The following SNCAIP variants were observed in gnomAD, a reference collection of about 807,000 sequenced individuals.
SNCAIP encodes the protein synuclein alpha interacting protein.
SNCAIP carries 43 observed loss-of-function variants against 86.7 expected under a neutral mutation model. That is an observed-to-expected ratio of 0.50 (90% CI 0.39 to 0.64). The LOEUF is 0.64. Ranked by LOEUF, SNCAIP falls within the 30% of genes least tolerant of loss-of-function variation. SNCAIP has a pLI of 0.00. For synonymous variants in SNCAIP, 417 were observed against 427.2 expected (o/e 0.98, Z 0.29); for missense variants, 981 against 1,103.1 (o/e 0.89, Z 1.57).
At chr5:122,456,761 A>T (rs1475433546) in intron 10 of SNCAIP, among the ~76,000 whole-genome samples, 1 of 152,184 alleles carries the variant, frequency 6.6e-6, no homozygotes, top group Non-Finnish European at 1.5e-5. Context: ...TTTAACTCAT[A>T]TGCTTGATTC....
Position 122,463,749 on chromosome 5 carries a change from T to G in SNCAIP, c.*253T>G. On this transcript the variant is annotated 3_prime_UTR_variant, in exon 11 of 11. Coordinates refer to ENST00000261368, the MANE Select transcript of SNCAIP (RefSeq NM_005460.4). ...GTAAAAGATTCATTTTGGGGTGATA[T>G]CTGTATATATAACTTGTTTTTTTAA... 1 of 468,748 alleles carries G rather than the reference T, an allele frequency of 2.1e-6. No individual in the cohort carries two copies. Among genetic ancestry groups the G allele is most frequent in the Non-Finnish European group, 3.8e-6 (1 of 265,790 alleles). 29.0% of individuals were successfully genotyped at this position (468,748 alleles called of 1,614,324 possible). A position where few individuals can be genotyped will look rare whatever the true frequency, so the allele number is the denominator to read the frequency against.
intron 1 of SNCAIP, among the ~76,000 whole-genome samples, chr5:122,325,202 G>C (rs1177096888): frequency 1.3e-5 from 2 of 152,144 alleles, no homozygotes; most frequent in Non-Finnish European, 2.9e-5. Context: ...CACCTGCTCT[G>C]TGTGATAAGA....
At chr5:122,444,922 G>T in intron 8 of SNCAIP, 190 bp downstream of exon 8, 2 of 642,416 alleles carry the variant, frequency 3.1e-6, no homozygotes, top group South Asian at 3.4e-5. Flanking sequence ...CTCTGCAGAG[G>T]CAAAAGGATG....
chr5:122,369,368 A>T (rs1283055971), intron 1 of SNCAIP, among the ~76,000 whole-genome samples: 4 of 152,204 alleles, frequency 2.6e-5, no homozygotes, highest in Non-Finnish European at 5.9e-5. Context: ...GAGATTTCCA[A>T]TCAAAATCTT....
intron 10 of SNCAIP, among the ~76,000 whole-genome samples, chr5:122,463,242 T>C (rs1786887723): frequency 6.6e-6 from 1 of 152,252 alleles, no homozygotes; most frequent in Non-Finnish European, 1.5e-5. Context: ...ATCAGTATGG[T>C]TGAGAAATTA....
At chr5:122,423,786 C>T in intron 4 of SNCAIP, 47 bp downstream of exon 4, 1 of 1,518,562 alleles carries the variant, frequency 6.6e-7, no homozygotes, top group East Asian at 2.3e-5. Context: ...CTGGAGACTC[C>T]TTTTTAATAA....
At chr5:122,342,502 C>A (rs1757791274) in intron 1 of SNCAIP, among the ~76,000 whole-genome samples, 1 of 152,218 alleles carries the variant, frequency 6.6e-6, no homozygotes, top group Admixed American at 6.5e-5. Context: ...CACTTAATAG[C>A]TGTCAGCCAT....
chr5:122,383,991 T>C (rs977904170), intron 1 of SNCAIP, among the ~76,000 whole-genome samples: 2 of 152,238 alleles, frequency 1.3e-5, no homozygotes, highest in Non-Finnish European at 2.9e-5. Flanking sequence ...ATACACGTTT[T>C]GTTAATGATG....
chr5:122,425,378 C>A lies in SNCAIP; in HGVS notation c.1029C>A (p.Asp343Glu), dbSNP rs1232787396. The A allele has an allele frequency of 6.2e-7, 1 of 1,613,980 alleles. No homozygotes were observed. The highest frequency in any genetic ancestry group is 8.5e-7 in the Non-Finnish European group (1 of 1,179,888). ...CACACCTAGCTGCAGACAATCTAGA[C>A]AAAATTCACGACGAAAATGGAAACA... The part of the protein sequence containing the change: ...LLPHLAADNL[D>E]KIHDENGNNL... The change falls in exon 5 of 11, where the codon GAC (aspartate) becomes GAA (glutamate). Residue 343 changes from aspartate to glutamate, a missense_variant. By Grantham distance (45) the Asp-to-Glu change is conservative. Coordinates refer to ENST00000261368, the MANE Select transcript of SNCAIP (RefSeq NM_005460.4).
chr5:122,329,634 T>A (rs1366484777), intron 1 of SNCAIP, among the ~76,000 whole-genome samples: 1 of 152,202 alleles, frequency 6.6e-6, no homozygotes, highest in Non-Finnish European at 1.5e-5. Context: ...CAAATCTGAA[T>A]AACTTTGGTG....
intron 10 of SNCAIP, among the ~76,000 whole-genome samples, chr5:122,459,726 T>C (rs571061009): frequency 1.8e-4 from 27 of 152,206 alleles, no homozygotes; most frequent in Non-Finnish European, 3.1e-4. Context: ...TAAACTTTAT[T>C]ATCTTTAGAC....
At chr5:122,354,706 T>C (rs1274038860) in intron 1 of SNCAIP, among the ~76,000 whole-genome samples, 1 of 152,198 alleles carries the variant, frequency 6.6e-6, no homozygotes, top group Non-Finnish European at 1.5e-5. Flanking sequence ...AGTTTAAACA[T>C]GAGCAAAAAC....
At chr5:122,406,641 G>C (rs1773065739) in intron 3 of SNCAIP, among the ~76,000 whole-genome samples, 1 of 152,028 alleles carries the variant, frequency 6.6e-6, no homozygotes, top group Admixed American at 6.6e-5. Flanking sequence ...TTAAAAGTTT[G>C]TAATACCTCT....
At chr5:122,352,812 C>G (rs1437194072) in intron 1 of SNCAIP, among the ~76,000 whole-genome samples, 1 of 152,236 alleles carries the variant, frequency 6.6e-6, no homozygotes, top group East Asian at 1.9e-4. Flanking sequence ...GAATTCAAGA[C>G]CAGCCTAGGC....
At chr5:122,357,823 G>A (rs1761352331) in intron 1 of SNCAIP, among the ~76,000 whole-genome samples, 1 of 152,078 alleles carries the variant, frequency 6.6e-6, no homozygotes, top group Non-Finnish European at 1.5e-5. Flanking sequence ...CAAATGCTCA[G>A]TAGCCACATG....
chr5:122,335,143 G>C (rs1756178737), intron 1 of SNCAIP, among the ~76,000 whole-genome samples: 1 of 151,992 alleles, frequency 6.6e-6, no homozygotes, highest in Non-Finnish European at 1.5e-5. Context: ...TTATTTTAAA[G>C]AAAAATAAAA....
chr5:122,323,870 C>T (rs894574095), intron 1 of SNCAIP, among the ~76,000 whole-genome samples: 13 of 152,148 alleles, frequency 8.5e-5, no homozygotes, highest in Non-Finnish European at 1.5e-5. Context: ...TTCTCCTCCC[C>T]CCTCCAATCC....
chr5:122,417,001 G>A (rs1261905860), intron 3 of SNCAIP, among the ~76,000 whole-genome samples: 3 of 152,076 alleles, frequency 2.0e-5, no homozygotes, highest in African/African-American at 7.2e-5. Flanking sequence ...AAAACAGTAG[G>A]GGAACACTAC....
chr5:122,362,551 G>T (rs187774525), intron 1 of SNCAIP, among the ~76,000 whole-genome samples: 42 of 152,302 alleles, frequency 2.8e-4, no homozygotes, highest in Admixed American at 1.0e-3. Flanking sequence ...TAAGAACAAG[G>T]AAAATTCAAG....
Sources: allele counts gnomAD v4.1 joint callset (sites outside exome capture counted in the v4.1 genomes callset), GRCh38; gene constraint gnomAD v4.1.1; transcripts MANE v1.5; gene names NCBI Gene and HGNC (gene_info 2026-07-23, HGNC 2026-07-21).